The following ZCCHC17 variants were observed in gnomAD, a reference collection of about 807,000 sequenced individuals.
The protein encoded by ZCCHC17 is zinc finger CCHC-type containing 17.
A neutral mutation model predicts 30.6 loss-of-function variants in ZCCHC17; 18 were observed. That is an observed-to-expected ratio of 0.59 (90% CI 0.41 to 0.87). ZCCHC17 has a LOEUF of 0.87. Among genes scored for constraint, ZCCHC17 ranks in the 40% least tolerant of loss-of-function variants. The pLI is 0.00. For synonymous variants in ZCCHC17, 88 were observed against 92.4 expected (o/e 0.95, Z 0.27); for missense variants, 263 against 284.2 (o/e 0.93, Z 0.54).
chr1:31,364,259 G>A lies in ZCCHC17; in HGVS notation c.*66G>A, dbSNP rs1640047117. The A allele has an allele frequency of 1.9e-6, 3 of 1,540,812 alleles. No homozygotes were observed. Among genetic ancestry groups the A allele is most frequent in the African/African-American group, 2.8e-5 (2 of 71,646 alleles). On this transcript the variant is annotated 3_prime_UTR_variant, in exon 8 of 8. Coordinates refer to ENST00000344147, the MANE Select transcript of ZCCHC17 (RefSeq NM_016505.4). ...AGGAGCCTTGTGCCTTGAGACTCCTGGAAAGACTCAATAGTGAGAATATAG... is the reference window on the plus strand; with the variant it reads ...AGGAGCCTTGTGCCTTGAGACTCCTAGAAAGACTCAATAGTGAGAATATAG...
chr1:31,308,975 T>G (rs1479728362), intron 1 of ZCCHC17, among the ~76,000 whole-genome samples: 10 of 152,222 alleles, frequency 6.6e-5, no homozygotes, highest in Middle Eastern at 3.2e-3. Flanking sequence ...AAACCACTTC[T>G]ACATATAAAA....
At chr1:31,321,335 T>G (rs1455126767) in intron 3 of ZCCHC17, among the ~76,000 whole-genome samples, 1 of 152,176 alleles carries the variant, frequency 6.6e-6, no homozygotes, top group Non-Finnish European at 1.5e-5. Flanking sequence ...AGGATGTGTT[T>G]GCTTCCCCTT....
At chr1:31,297,559 G>A (rs934872390) in intron 1 of ZCCHC17, among the ~76,000 whole-genome samples, 3 of 152,270 alleles carry the variant, frequency 2.0e-5, no homozygotes, top group Admixed American at 1.3e-4. Flanking sequence ...TGCCTCAGTC[G>A]TCCTGCTGAT....
intron 4 of ZCCHC17, among the ~76,000 whole-genome samples, chr1:31,337,788 G>A (rs180985551): frequency 4.6e-5 from 7 of 152,278 alleles, no homozygotes; most frequent in African/African-American, 1.7e-4. Flanking sequence ...CCGACCACAG[G>A]AGAAATAAGA....
intron 7 of ZCCHC17, among the ~76,000 whole-genome samples, chr1:31,353,641 A>C (rs747733049): frequency 3.3e-5 from 5 of 151,996 alleles, no homozygotes; most frequent in Non-Finnish European, 5.9e-5. Flanking sequence ...TAGGTCTTTG[A>C]TCCATTTTGA....
Position 31,310,028 on chromosome 1 carries a change from G to A in ZCCHC17, c.-55-16G>A. ...GCAGATATCTCTCTAATTGGTGTCT[G>A]ATTTCTTTATGACAGGACACTTGTA... On this transcript the variant is annotated splice_polypyrimidine_tract_variant and intron_variant, in intron 1 of 7. Transcript: ENST00000344147. 6.7e-7 allele frequency: 1 copy of A among 1,489,856 alleles called. No individual in the cohort carries two copies. Among genetic ancestry groups the A allele is most frequent in the Admixed American group, 1.8e-5 (1 of 55,660 alleles). 92.3% of individuals were successfully genotyped at this position (1,489,856 alleles called of 1,614,324 possible).
intron 2 of ZCCHC17, among the ~76,000 whole-genome samples, chr1:31,315,416 C>G (rs561776283): frequency 3.4e-4 from 52 of 152,230 alleles, no homozygotes; most frequent in African/African-American, 8.9e-4. Context: ...TCCTGTCATC[C>G]TCTGAGAAGC....
chr1:31,315,454 A>G (rs1218991076), intron 2 of ZCCHC17, among the ~76,000 whole-genome samples: 1 of 152,148 alleles, frequency 6.6e-6, no homozygotes, highest in Non-Finnish European at 1.5e-5. Flanking sequence ...CATTATATTA[A>G]TACATGGTAG....
In ZCCHC17 at chr1:31,364,122, A is replaced by G. The variant is rs746233670; in HGVS notation, c.655A>G (p.Thr219Ala). 6.2e-7 allele frequency: 1 copy of G among 1,613,846 alleles called. No homozygotes were observed. The highest frequency in any genetic ancestry group is 8.5e-7 in the Non-Finnish European group (1 of 1,179,912). ...TGATACAGGCAAGAGGGCAAGGCAC[A>G]CATCAAAAGACAGCAAGGCAGCAAA... is the stretch of plus-strand genomic sequence containing the variant. ...ESDTGKRARH[T>A]SKDSKAAKKK... The change falls in exon 8 of 8, where the codon ACA becomes GCA. Residue 219 changes from threonine to alanine, a missense_variant. Thr to Ala is a moderately conservative substitution (Grantham distance 58). Coordinates refer to ENST00000344147, the MANE Select transcript of ZCCHC17 (RefSeq NM_016505.4).
intron 1 of ZCCHC17, among the ~76,000 whole-genome samples, chr1:31,306,995 G>C (rs113780829): frequency 2.0e-5 from 3 of 152,168 alleles, no homozygotes; most frequent in African/African-American, 7.2e-5. Flanking sequence ...GCACCACCAT[G>C]CCTAGCTAAT....
intron 2 of ZCCHC17, among the ~76,000 whole-genome samples, chr1:31,318,904 T>C (rs570273961): frequency 3.3e-5 from 5 of 152,172 alleles, no homozygotes; most frequent in Non-Finnish European, 7.3e-5. Flanking sequence ...AATCTCCCAG[T>C]GTTTTTAATG....
At chr1:31,305,943 T>A (rs1646445009) in intron 1 of ZCCHC17, among the ~76,000 whole-genome samples, 1 of 152,192 alleles carries the variant, frequency 6.6e-6, no homozygotes. Context: ...AAGACCCCCA[T>A]TGGATCCCTA....
At chr1:31,302,139 A>C (rs1646328112) in intron 1 of ZCCHC17, among the ~76,000 whole-genome samples, 1 of 152,172 alleles carries the variant, frequency 6.6e-6, no homozygotes, top group South Asian at 2.1e-4. Context: ...GAGGTGACAG[A>C]ATCACTTGAA....
intron 5 of ZCCHC17, among the ~76,000 whole-genome samples, chr1:31,343,554 G>A (rs1639126319): frequency 1.3e-5 from 2 of 152,056 alleles, no homozygotes; most frequent in Non-Finnish European, 2.9e-5. Context: ...GTCCCAAAGT[G>A]TTAATGAGAT....
chr1:31,337,541 C>T (rs189017200), intron 4 of ZCCHC17, among the ~76,000 whole-genome samples: 116 of 151,864 alleles, frequency 7.6e-4, no homozygotes, highest in African/African-American at 2.7e-3. Flanking sequence ...TAGGGTGGGC[C>T]GGAGGAGAGA....
chr1:31,326,534 A>G (rs1476842427), intron 3 of ZCCHC17, among the ~76,000 whole-genome samples: 1 of 152,186 alleles, frequency 6.6e-6, no homozygotes, highest in Non-Finnish European at 1.5e-5. Context: ...TCTTGTTAGT[A>G]TAGTTGCCAT....
intron 2 of ZCCHC17, among the ~76,000 whole-genome samples, chr1:31,313,068 C>CTTTTTTTTTTTT (rs59004055): frequency 1.8e-5 from 2 of 113,486 alleles, no homozygotes; most frequent in Non-Finnish European, 3.5e-5. Context: ...CACTGGGCCT[C>CTTTTTTTTTTTT]TTTTTTTTTT....
intron 3 of ZCCHC17, among the ~76,000 whole-genome samples, chr1:31,323,255 T>TATA (rs1162056680): frequency 1.3e-5 from 2 of 152,246 alleles, no homozygotes; most frequent in African/African-American, 2.4e-5. Flanking sequence ...GTTAGTGTAC[T>TATA]ATAGTTTTCC....
In ZCCHC17 at chr1:31,364,286, C is replaced by CT; in HGVS notation, c.*94dup. 6.8e-7 allele frequency: 1 copy of CT among 1,470,346 alleles called. No individual in the cohort carries two copies. Among genetic ancestry groups the CT allele is most frequent in the Non-Finnish European group, 9.0e-7 (1 of 1,110,652 alleles). 91.1% of individuals were successfully genotyped at this position (1,470,346 alleles called of 1,614,324 possible). ...AAAGACTCAATAGTGAGAATATAGC[C>CT]TCCCACCCCATTAACTTCGCTCCCA... On this transcript the variant is annotated 3_prime_UTR_variant, in exon 8 of 8. Coordinates refer to ENST00000344147, the MANE Select transcript of ZCCHC17 (RefSeq NM_016505.4).
Sources: allele counts gnomAD v4.1 joint callset (sites outside exome capture counted in the v4.1 genomes callset), GRCh38; gene constraint gnomAD v4.1.1; transcripts MANE v1.5; gene names NCBI Gene and HGNC (gene_info 2026-07-23, HGNC 2026-07-21).